CLNK: variants seen among roughly 807,000 people sequenced by gnomAD.
CLNK encodes the protein cytokine-dependent hematopoietic cell linker.
In CLNK, 74 loss-of-function variants were observed where a neutral mutation model predicts 68.6. That is an observed-to-expected ratio of 1.08 (90% CI 0.89 to 1.31). The LOEUF is 1.31. CLNK is among the 50% of genes most tolerant of loss of function. The pLI is 0.00. For synonymous variants in CLNK, 198 were observed against 172.2 expected (o/e 1.15, Z -1.17); for missense variants, 553 against 515.3 (o/e 1.07, Z -0.71).
At chr4:10,706,917 C>T in the CLNK span, among the ~76,000 whole-genome samples, 4 of 152,120 alleles carry the variant, frequency 2.6e-5, no homozygotes, top group African/African-American at 9.7e-5. Context: ...GTTGAACATG[C>T]CTCATCAGAC....
chr4:10,500,216 C>T (rs1560189449), intron 18 of CLNK, among the ~76,000 whole-genome samples: 1 of 152,204 alleles, frequency 6.6e-6, no homozygotes, highest in African/African-American at 2.4e-5. Flanking sequence ...TTCGTTCCTT[C>T]CTTCCTTTAC....
chr4:10,646,672 C>A (rs1162079201), intron 2 of CLNK, among the ~76,000 whole-genome samples: 1 of 152,072 alleles, frequency 6.6e-6, no homozygotes, highest in Non-Finnish European at 1.5e-5. Flanking sequence ...GAAGGGCTTT[C>A]TTCTCTCACC....
chr4:10,718,684 C>CA, the CLNK span, among the ~76,000 whole-genome samples: 767 of 150,154 alleles, frequency 5.1e-3, 4 homozygotes, highest in African/African-American at 0.017. Context: ...AACAAAACAA[C>CA]AAAAAAAATA....
At chr4:10,552,942 C>T (rs533826880) in intron 8 of CLNK, among the ~76,000 whole-genome samples, 1 of 152,182 alleles carries the variant, frequency 6.6e-6, no homozygotes, top group South Asian at 2.1e-4. Context: ...TATTAATGGC[C>T]TTTTCTTCAC....
intron 2 of CLNK, among the ~76,000 whole-genome samples, chr4:10,655,915 C>T (rs1350047821): frequency 6.6e-6 from 1 of 151,996 alleles, no homozygotes; most frequent in Non-Finnish European, 1.5e-5. Context: ...TCCCAAAGTG[C>T]TGGGATTACA....
At chr4:10,628,213 G>GTCT (rs1722749387) in intron 2 of CLNK, among the ~76,000 whole-genome samples, 1 of 152,132 alleles carries the variant, frequency 6.6e-6, no homozygotes, top group African/African-American at 2.4e-5. Context: ...ATATGGTCTG[G>GTCT]TCTTTAATAA....
At chr4:10,535,159 G>T (rs1577112521) in intron 11 of CLNK, among the ~76,000 whole-genome samples, 2 of 147,732 alleles carry the variant, frequency 1.4e-5, no homozygotes. Context: ...GACCAGCCTG[G>T]ACAGGAGTGT....
intron 4 of CLNK, among the ~76,000 whole-genome samples, chr4:10,577,805 A>G (rs999261835): frequency 1.3e-5 from 2 of 152,128 alleles, no homozygotes; most frequent in African/African-American, 4.8e-5. Flanking sequence ...ATAAACGTCT[A>G]TCGTGTTTAA....
the CLNK span, among the ~76,000 whole-genome samples, chr4:10,699,232 A>G: frequency 8.6e-6 from 1 of 116,444 alleles, no homozygotes; most frequent in African/African-American, 2.9e-5. Context: ...ATGTGTGTGT[A>G]TACACACACA....
At chr4:10,633,368 T>A (rs569134926) in intron 2 of CLNK, among the ~76,000 whole-genome samples, 1 of 152,354 alleles carries the variant, frequency 6.6e-6, no homozygotes, top group South Asian at 2.1e-4. Context: ...TTCATCAGCT[T>A]TGTTGCGACT....
At chr4:10,574,302 G>A (rs182183505) in intron 4 of CLNK, among the ~76,000 whole-genome samples, 260 of 152,208 alleles carry the variant, frequency 1.7e-3, no homozygotes, top group African/African-American at 6.1e-3. Context: ...CTGTAGTCAG[G>A]CTACCTTGAA....
rs181895086 is a variant in CLNK, at chr4:10,627,938, C to T, written c.12-29889G>A. 3.1e-3 allele frequency among the ~76,000 whole-genome samples: 477 copies of T among 152,264 alleles called. 5 individuals carry two copies. The highest frequency in any genetic ancestry group is 0.011 in the African/African-American group (467 of 41,504). On this transcript the variant is annotated intron_variant, in intron 2 of 18. Transcript: ENST00000226951. ...TCCCCCTTCTGTCTCCCTCTTTCCC[C>T]TGCAGGGTTCTGCTGCAAGAGGTCC...
chr4:10,521,910 A>G (rs987388782), intron 14 of CLNK, among the ~76,000 whole-genome samples: 1 of 152,228 alleles, frequency 6.6e-6, no homozygotes, highest in Non-Finnish European at 1.5e-5. Flanking sequence ...AGGATATTCT[A>G]GAAGTACATA....
At chr4:10,553,097 TGTAGA>T (rs1218767870) in intron 8 of CLNK, among the ~76,000 whole-genome samples, 1 of 152,210 alleles carries the variant, frequency 6.6e-6, no homozygotes, top group Non-Finnish European at 1.5e-5. Flanking sequence ...ACAAGCTGTC[TGTAGA>T]TGTGGCTTTC....
At chr4:10,673,705 A>AC (rs1560273765) in intron 1 of CLNK, among the ~76,000 whole-genome samples, 1 of 151,812 alleles carries the variant, frequency 6.6e-6, no homozygotes, top group African/African-American at 2.4e-5. Context: ...GTATTAGGAG[A>AC]AATAACTAAT....
chr4:10,506,351 A>G (rs1414264536), intron 17 of CLNK, among the ~76,000 whole-genome samples: 1 of 152,220 alleles, frequency 6.6e-6, no homozygotes, highest in Non-Finnish European at 1.5e-5. Context: ...GTGTGAAGGT[A>G]GAAGCACACC....
At chr4:10,509,532 T>G (rs1484377792) in intron 16 of CLNK, among the ~76,000 whole-genome samples, 5 of 152,018 alleles carry the variant, frequency 3.3e-5, no homozygotes, top group Non-Finnish European at 7.4e-5. Context: ...ACCTCTTTTT[T>G]TTTTTTTTTG....
intron 16 of CLNK, among the ~76,000 whole-genome samples, chr4:10,509,638 C>A (rs1717479086): frequency 6.6e-6 from 1 of 152,050 alleles, no homozygotes; most frequent in South Asian, 2.1e-4. Flanking sequence ...AGTTCGCCTA[C>A]CCCAGCCTCC....
At chr4:10,570,818 AGTT>A (rs1720315071) in intron 5 of CLNK, among the ~76,000 whole-genome samples, 1 of 152,198 alleles carries the variant, frequency 6.6e-6, no homozygotes, top group Non-Finnish European at 1.5e-5. Context: ...CTTTTTCTCT[AGTT>A]GTTAAAATTA....
Sources: gnomAD v4.1 joint callset for allele counts (sites outside exome capture counted in the v4.1 genomes callset) on GRCh38, gnomAD v4.1.1 for gene constraint, MANE v1.5 for transcripts, NCBI Gene and HGNC (gene_info 2026-07-23, HGNC 2026-07-21) for gene names.